The following INF2 variants were observed in gnomAD, a reference collection of about 807,000 sequenced individuals.
INF2 encodes the protein inverted formin-2.
INF2 carries 43 observed loss-of-function variants against 123.5 expected under a neutral mutation model. The ratio of observed to expected loss-of-function variants is 0.35; its 90% confidence interval spans 0.27 to 0.45. INF2 has a LOEUF of 0.45. Ranked by LOEUF, INF2 falls within the 20% of genes least tolerant of loss-of-function variation. The pLI is 1.00. For missense variants in INF2, 1,453 were observed against 1,682.7 expected, an observed-to-expected ratio of 0.86 and a Z score of 2.39; for synonymous variants, 851 against 745.0, an observed-to-expected ratio of 1.14 and a Z score of -2.32.
At position 104,712,514 on chromosome 14, in the gene INF2, C is replaced by T. The variant is rs62640005; in HGVS notation, c.2571C>T (p.Ser857=). Residue 857 remains serine, a synonymous_variant, in exon 17 of 23, where the codon TCC becomes TCT. Coordinates refer to ENST00000392634, the MANE Select transcript of INF2 (RefSeq NM_022489.4). ...AGACCGAGCGGAAGGTGTCTGCCTC[C>T]GTGGCCGAGGTCCAGGAGCAGTACA... ...LLETERKVSA[S]VAEVQEQYTE... The T allele has an allele frequency of 2.9e-3, 4,596 of 1,612,630 alleles. 125 individuals carry two copies. In the African/African-American group the frequency reaches 0.051, roughly 18 times the overall value.
chr14:104,702,319 C>G (rs999781857), intron 2 of INF2, among the ~76,000 whole-genome samples: 18 of 152,206 alleles, frequency 1.2e-4, no homozygotes, highest in African/African-American at 4.1e-4. Context: ...CAGGCAGGCC[C>G]TTGGTCTCTG....
chr14:104,714,226 G>A lies in INF2; in HGVS notation c.3064G>A (p.Asp1022Asn). ...EPVATSNPAG[D>N]PVGSTRCPAS... ...AGTGGCCACCAGTAACCCTGCAGGA[G>A]ATCCCGTGGGCAGCACGCGCTGTCC... The change falls in exon 21 of 23, where the codon GAT (aspartate) becomes AAT (asparagine). Residue 1022 changes from aspartate to asparagine, a missense_variant. This residue lies in a region of INF2 where 344 missense variants were observed against 333.1 expected (regional missense o/e 1.03). Coordinates refer to ENST00000392634, the MANE Select transcript of INF2 (RefSeq NM_022489.4). The A allele has an allele frequency of 6.4e-7, 1 of 1,552,866 alleles. No homozygotes were observed. Among genetic ancestry groups the A allele is most frequent in the South Asian group, 1.2e-5 (1 of 81,160 alleles).
Position 104,703,441 on chromosome 14 carries a change from G to T in INF2, c.654G>T (p.Arg218=), listed in dbSNP as rs745354738. The T allele has an allele frequency of 3.7e-6, 6 of 1,612,250 alleles. No homozygotes were observed. Among genetic ancestry groups the T allele is most frequent in the Non-Finnish European group, 4.2e-6 (5 of 1,179,896 alleles). ...ACCTGCGCGCGCGCACCCAGCTGCGGAACGAGTTTATCGGTAAGCACCTGC... is the reference window on the plus strand; with the variant it reads ...ACCTGCGCGCGCGCACCCAGCTGCGTAACGAGTTTATCGGTAAGCACCTGC... ...PEDLRARTQL[R]NEFIGLQLLD... The change falls in exon 4 of 23, where the codon CGG becomes CGT. Residue 218 remains arginine, a synonymous_variant. Transcript: ENST00000392634.
At chr14:104,710,884 C>T (rs1183801842) in intron 13 of INF2, 53 bp from the exon 14 acceptor site, 15 of 1,523,156 alleles carry the variant, frequency 9.8e-6, no homozygotes, top group African/African-American at 1.4e-5. Flanking sequence ...ACCGCCAGGG[C>T]ATCTGGGGGC....
intron 1 of INF2, among the ~76,000 whole-genome samples, chr14:104,692,312 T>C (rs1888992801): frequency 6.6e-6 from 1 of 152,222 alleles, no homozygotes; most frequent in African/African-American, 2.4e-5. Context: ...GTGCCATCCA[T>C]TCTGCCAGGA....
intron 6 of INF2, 21 bp downstream of exon 6, chr14:104,706,197 C>G: frequency 6.5e-7 from 1 of 1,548,296 alleles, no homozygotes; most frequent in East Asian, 2.4e-5. Context: ...GGCTGCAGGG[C>G]GGAGGGCAGC....
At position 104,721,885 on chromosome 14, in the gene INF2, C is replaced by G. The variant is rs975797243; in HGVS notation, c.*3092C>G. 1 of 152,378 alleles carries G rather than the reference C, an allele frequency of 6.6e-6. No homozygotes were observed. Among genetic ancestry groups the G allele is most frequent in the African/African-American group, 2.4e-5 (1 of 41,438 alleles). 9.4% of individuals were successfully genotyped at this position (152,378 alleles called of 1,614,324 possible). A position where few individuals can be genotyped will look rare whatever the true frequency, so the allele number is the denominator to read the frequency against. ...GGAGCTCTGGGGGTGCCTTGCATGG[C>G]GAGGCTCCGTGGCTGCACGCGTGTA... On this transcript the variant is annotated 3_prime_UTR_variant, in exon 23 of 23. Transcript: ENST00000392634.
At position 104,707,666 on chromosome 14, in the gene INF2, G is replaced by A; in HGVS notation, c.1399G>A (p.Gly467Arg). The A allele has an allele frequency of 9.9e-7, 1 of 1,005,624 alleles. No individual in the cohort carries two copies. The highest frequency in any genetic ancestry group is 1.5e-6 in the Non-Finnish European group (1 of 686,696). 62.3% of individuals were successfully genotyped at this position (1,005,624 alleles called of 1,614,324 possible). Residue 467 changes from glycine to arginine, a missense_variant, in exon 8 of 23, where the codon GGG becomes AGG. Physicochemically the swap from Gly to Arg is moderately radical, Grantham distance 125 (BLOSUM62 -2). This residue lies in a region of INF2 where 374 missense variants were observed against 303.7 expected (regional missense o/e 1.23). Transcript: ENST00000392634. ...APPPPPLPGL[G>R]AMAPPAPPLP... ...CCCGCCCCCACCCCTGCCAGGCCTG[G>A]GGGCCATGGCCCCCCCAGCACCTCC...
In INF2 at chr14:104,692,901, A is replaced by G. The variant is rs375275294; in HGVS notation, c.-10+3162A>G. ...AGAGGTACCAGGAGAGTCCTGAGAG[A>G]AGGGCCAGCCTGGGCTGCCCCGAGC... On this transcript the variant is annotated intron_variant, in intron 1 of 22. Coordinates refer to ENST00000392634, the MANE Select transcript of INF2 (RefSeq NM_022489.4). 7.9e-5 allele frequency among the ~76,000 whole-genome samples: 12 copies of G among 152,318 alleles called. No homozygotes were observed. In the East Asian group the frequency reaches 2.3e-3, roughly 29 times the overall value.
intron 16 of INF2, 33 bp downstream of exon 16, chr14:104,711,732 C>T (rs893725167): frequency 1.9e-6 from 3 of 1,598,518 alleles, no homozygotes; most frequent in African/African-American, 2.7e-5. Flanking sequence ...CCCACCTCAG[C>T]CAGGTGGGGG....
In INF2 at chr14:104,682,165, C is replaced by T. The variant is rs139619806; in HGVS notation, c.-104+583C>T. ...GGGTTATTTTTAACCCGTAAGTCTC[C>T]CTGCTATTCTACAGGAGAAAGGGAA... On this transcript the variant is annotated intron_variant, in intron 1 of 2. Coordinates refer to the INF2 transcript ENST00000674723. 1.6e-4 allele frequency among the ~76,000 whole-genome samples: 24 copies of T among 152,284 alleles called. 1 individual carries two copies. In the East Asian group the frequency reaches 4.6e-3, roughly 29 times the overall value.
chr14:104,681,263 G>C (rs1292454036), exon 1 of INF2: 3 of 360,452 alleles, frequency 8.3e-6, no homozygotes, highest in Non-Finnish European at 1.7e-5. Context: ...CACTGTAATA[G>C]GGGCCTCATC....
rs1288368822 is a variant in INF2, at chr14:104,684,321, G to A, written c.-104+2739G>A. ...AGCACTGGCTTAGCCTGCTCAGTGA[G>A]GTGCCCGAAGGAGGCCCACCAGCTC... On this transcript the variant is annotated intron_variant, in intron 1 of 2. Transcript: ENST00000674723. The surrounding 1 kb of genome is among the most constrained non-coding windows in gnomAD (Gnocchi z 5.0). 1 of 327,812 alleles carries A rather than the reference G, an allele frequency of 3.1e-6. No individual in the cohort carries two copies. The highest frequency in any genetic ancestry group is 8.3e-5 in the East Asian group (1 of 12,046). The allele number at this position is 327,812 out of a possible 1,614,324, so 20.3% of individuals were successfully genotyped here. A position where few individuals can be genotyped will look rare whatever the true frequency, so the allele number is the denominator to read the frequency against.
At chr14:104,689,493 C>CGG, upstream of INF2, 1 of 323,414 alleles carries the variant, frequency 3.1e-6, no homozygotes, top group Non-Finnish European at 4.4e-6. Context: ...GTGGGCGGGG[C>CGG]CACCCCCAGC....
chr14:104,708,136 C>A, intron 8 of INF2, 134 bp downstream of exon 8: 2 of 1,412,862 alleles, frequency 1.4e-6, no homozygotes, highest in Non-Finnish European at 1.9e-6. Context: ...CTGGCCCTTG[C>A]TCTGGGCTCG....
intron 14 of INF2, 26 bp downstream of exon 14, chr14:104,711,033 C>T: frequency 1.2e-6 from 2 of 1,610,732 alleles, no homozygotes; most frequent in Non-Finnish European, 1.7e-6. Context: ...CTCCCCATCC[C>T]ACCTGGTGCC....
At chr14:104,709,944 C>T (rs928571329) in intron 12 of INF2, 144 bp from the exon 13 acceptor site, 13 of 789,982 alleles carry the variant, frequency 1.6e-5, no homozygotes, top group Non-Finnish European at 2.3e-5. Flanking sequence ...TGCGCAGGCC[C>T]GGGAGGGTGC....
Position 104,701,428 on chromosome 14 carries a change from G to A in INF2, c.63G>A (p.Gln21=). 1 of 1,596,258 alleles carries A rather than the reference G, an allele frequency of 6.3e-7. No homozygotes were observed. Among genetic ancestry groups the A allele is most frequent in the East Asian group, 2.3e-5 (1 of 43,932 alleles). The change falls in exon 2 of 23, where the codon CAG becomes CAA. Residue 21 remains glutamine (Q), a synonymous_variant. Coordinates refer to ENST00000392634, the MANE Select transcript of INF2 (RefSeq NM_022489.4). ...WAALKEKLGP[Q]DSDPTEANLE... ...CGCTGAAGGAGAAGCTGGGGCCACA[G>A]GATTCGGACCCCACGGAGGCCAACC...
Position 104,712,857 on chromosome 14 carries a change from T to G in INF2, c.2640T>G (p.Asp880Glu). Reference protein sequence around the residue: ...QASISAFRALDELFEAIEQKQ... With the variant: ...QASISAFRALEELFEAIEQKQ... The stretch of plus-strand genomic sequence containing the variant: ...GCATCTCGGCCTTCCGGGCACTGGA[T>G]GAGCTGTTTGAGGCCATCGAGCAGA... Residue 880 changes from aspartate (D) to glutamate (E), a missense_variant, in exon 18 of 23, where the codon GAT (aspartate) becomes GAG (glutamate). Around this residue, in one of 8 missense-constraint regions of INF2, gnomAD observed 212 missense variants for 266.2 expected, o/e 0.80. Coordinates refer to ENST00000392634, the MANE Select transcript of INF2 (RefSeq NM_022489.4). The G allele has an allele frequency of 6.2e-7, 1 of 1,612,192 alleles. No individual in the cohort carries two copies. Among genetic ancestry groups the G allele is most frequent in the African/African-American group, 1.3e-5 (1 of 75,068 alleles).
Sources: allele counts gnomAD v4.1 joint callset (sites outside exome capture counted in the v4.1 genomes callset), GRCh38; gene constraint gnomAD v4.1.1; regional missense constraint gnomAD v4.1.1; non-coding constraint Gnocchi (gnomAD v3.1); transcripts MANE v1.5; gene names NCBI Gene and HGNC (gene_info 2026-07-23, HGNC 2026-07-21).